CINP: variants seen among roughly 807,000 people sequenced by gnomAD.
CINP encodes cyclin-dependent kinase 2-interacting protein.
Under a neutral mutation model 20.5 loss-of-function variants are expected in CINP, and 11 were observed. The ratio of observed to expected loss-of-function variants is 0.54; its 90% CI spans 0.34 to 0.89. The LOEUF (loss-of-function observed/expected upper bound fraction) is 0.89. Among genes scored for constraint, CINP ranks in the 40% least tolerant of loss-of-function variants. The probability of loss-of-function intolerance (pLI) is 0.02; values close to 1 mark genes in which losing one functional copy is unlikely to be tolerated. For missense variants in CINP, 213 were observed against 251.0 expected, an observed-to-expected ratio of 0.85 and a Z score of 1.02; for synonymous variants, 108 against 102.1, an observed-to-expected ratio of 1.06 and a Z score of -0.35.
intron 4 of CINP, 74 bp downstream of exon 4, chr14:102,349,845 C>T: frequency 1.3e-6 from 2 of 1,526,466 alleles, no homozygotes; most frequent in Non-Finnish European, 1.8e-6. Context: ...TCTTAAAGTA[C>T]CAGATGTAAA....
rs1459552813 is a variant in CINP at position 102,350,020 on chromosome 14, A to G, written c.335T>C (p.Leu112Pro). ...LTKIQVKMEK[L>P]SSTTKGICEL... The stretch of plus-strand genomic sequence containing the variant: ...ACAAATTCCCTTGGTAGTTGAAGAC[A>G]GCTTTTCCATTTTCACCTGTATTTT... The change falls in exon 4 of 5, where the codon CTG (leucine) becomes CCG (proline). Residue 112 changes from leucine to proline, a missense_variant. Coordinates refer to ENST00000216756, the MANE Select transcript of CINP (RefSeq NM_032630.3). The G allele has an allele frequency of 6.2e-7, 1 of 1,613,666 alleles. No individual in the cohort carries two copies. The highest frequency in any genetic ancestry group is 8.5e-7 in the Non-Finnish European group (1 of 1,179,674).
At chr14:102,356,331 A>G (rs1886997292) in intron 2 of CINP, among the ~76,000 whole-genome samples, 1 of 151,886 alleles carries the variant, frequency 6.6e-6, no homozygotes, top group African/African-American at 2.4e-5. Flanking sequence ...AGGTGGGAGG[A>G]TCACTTAAGC....
At chr14:102,352,277 C>G in intron 3 of CINP, 1 of 257,288 alleles carries the variant, frequency 3.9e-6, no homozygotes, top group Non-Finnish European at 7.9e-6. Context: ...AAGCTGATAA[C>G]AGGAGACTAA....
chr14:102,357,143 G>C (rs1887015464), intron 2 of CINP, among the ~76,000 whole-genome samples: 1 of 152,158 alleles, frequency 6.6e-6, no homozygotes, highest in African/African-American at 2.4e-5. Context: ...CACTTTGGGA[G>C]GCCAAGGCGG....
chr14:102,359,445 A>G lies in CINP; in HGVS notation c.150T>C (p.Asn50=), dbSNP rs1010789144. 9 of 1,600,616 alleles carry G rather than the reference A, an allele frequency of 5.6e-6. No homozygotes were observed. The South Asian group carries it at 9.0e-5, about 16-fold the overall frequency. The change falls in exon 2 of 5, where the codon AAT becomes AAC. Residue 50 remains asparagine, a synonymous_variant. Transcript: ENST00000216756. The part of the protein sequence containing the change: ...LNDAGFTTAN[N]IANLKISLLN... ...ATAAACTGATTTTCAAGTTGGCAAT[A>G]TTATTTGCAGTGGTAAAACCTGCAT... is the stretch of plus-strand genomic sequence containing the variant.
At chr14:102,358,704 AAAAG>A (rs1887053469) in intron 2 of CINP, among the ~76,000 whole-genome samples, 1 of 152,094 alleles carries the variant, frequency 6.6e-6, no homozygotes, top group Admixed American at 6.6e-5. Flanking sequence ...AAAAAATAGA[AAAAG>A]AAAGTGAGAT....
chr14:102,350,564 G>A (rs1359058732), intron 3 of CINP, among the ~76,000 whole-genome samples: 1 of 151,792 alleles, frequency 6.6e-6, no homozygotes, highest in African/African-American at 2.4e-5. Context: ...ATGTTGCCCA[G>A]GCTGGTCTCT....
At chr14:102,360,742 T>G (rs749791941) in intron 1 of CINP, among the ~76,000 whole-genome samples, 101 of 152,226 alleles carry the variant, frequency 6.6e-4, no homozygotes, top group Non-Finnish European at 1.3e-3. Flanking sequence ...ATCCAAGCTC[T>G]GCCCACCACT....
At chr14:102,357,357 G>A (rs1887021816) in intron 2 of CINP, among the ~76,000 whole-genome samples, 1 of 132,200 alleles carries the variant, frequency 7.6e-6, no homozygotes, top group African/African-American at 2.9e-5. Flanking sequence ...ACTCCAGCCT[G>A]AGCGACAGAG....
At position 102,348,437 on chromosome 14, in the gene CINP, G is replaced by A; in HGVS notation, c.*120C>T. On this transcript the variant is annotated 3_prime_UTR_variant, in exon 5 of 5. Coordinates refer to ENST00000216756, the MANE Select transcript of CINP (RefSeq NM_032630.3). ...GCCATGGGGCTGGTGACAAGCTCTG[G>A]CCAGAAGACCCCAAGGTCTGATCCT... is the stretch of plus-strand genomic sequence containing the variant. 1 of 852,368 alleles carries A rather than the reference G, an allele frequency of 1.2e-6. No individual in the cohort carries two copies. The highest frequency in any genetic ancestry group is 1.7e-6 in the Non-Finnish European group (1 of 588,084). The allele number at this position is 852,368 out of a possible 1,614,324, so 52.8% of individuals were successfully genotyped here. A position where few individuals can be genotyped will look rare whatever the true frequency, so the allele number is the denominator to read the frequency against.
At position 102,359,500 on chromosome 14, in the gene CINP, T is replaced by C; in HGVS notation, c.95A>G (p.Asn32Ser). ...GAGGGTTTCCCACTTCAGGATTAAATTGTGCCAATCAGCCGCATTGTCCTT... is the reference window on the plus strand; with the variant it reads ...GAGGGTTTCCCACTTCAGGATTAAACTGTGCCAATCAGCCGCATTGTCCTT... Reference protein sequence around the residue: ...KIKDNAADWHNLILKWETLND... With the variant: ...KIKDNAADWHSLILKWETLND... The change falls in exon 2 of 5, where the codon AAT becomes AGT. Residue 32 changes from asparagine (N) to serine (S), a missense_variant. Coordinates refer to ENST00000216756, the MANE Select transcript of CINP (RefSeq NM_032630.3). The C allele has an allele frequency of 2.5e-6, 4 of 1,613,492 alleles. No homozygotes were observed. Among genetic ancestry groups the C allele is most frequent in the Non-Finnish European group, 1.7e-6 (2 of 1,179,658 alleles).
intron 2 of CINP, among the ~76,000 whole-genome samples, 178 bp downstream of exon 2, chr14:102,359,227 AATATATATATATAT>A (rs10632205): frequency 1.0e-4 from 12 of 115,424 alleles, no homozygotes; most frequent in South Asian, 2.8e-4. Flanking sequence ...TAAATAACTA[AATATATATATATAT>A]ATATATATAT....
intron 4 of CINP, among the ~76,000 whole-genome samples, chr14:102,349,620 C>G (rs1040247479): frequency 6.6e-6 from 1 of 152,144 alleles, no homozygotes; most frequent in East Asian, 1.9e-4. Flanking sequence ...CCTTTCCCCC[C>G]CTCAAAATGA....
chr14:102,349,908 G>A lies in CINP; in HGVS notation c.436+11C>T. On this transcript the variant is annotated intron_variant, in intron 4 of 4. Transcript: ENST00000216756. ...ACCCTCCTGAAAATCAACTGAGAAG[G>A]AACTACTTACAGAAATGGGTTGTAG... 2.5e-6 allele frequency: 4 copies of A among 1,613,548 alleles called. No homozygotes were observed. In the East Asian group the frequency reaches 8.9e-5, roughly 36 times the overall value.
At chr14:102,358,999 G>A (rs1048087918) in intron 2 of CINP, among the ~76,000 whole-genome samples, 6 of 151,982 alleles carry the variant, frequency 3.9e-5, no homozygotes, top group African/African-American at 1.4e-4. Flanking sequence ...AAGGTCAGGA[G>A]TTCGAGACCA....
At chr14:102,361,303 G>C (rs566299319) in intron 1 of CINP, among the ~76,000 whole-genome samples, 5 of 152,266 alleles carry the variant, frequency 3.3e-5, no homozygotes, top group African/African-American at 1.2e-4. Flanking sequence ...AAAAGGACTA[G>C]TGCGTGAGTA....
chr14:102,360,017 G>A (rs1887102864), intron 1 of CINP, among the ~76,000 whole-genome samples: 1 of 152,074 alleles, frequency 6.6e-6, no homozygotes, highest in Admixed American at 6.6e-5. Flanking sequence ...AGAGTAGCGT[G>A]GCCCATGAGT....
chr14:102,348,644 G>A lies in CINP; in HGVS notation c.552C>T (p.Ser184=), dbSNP rs781473767. 6.2e-7 allele frequency: 1 copy of A among 1,614,102 alleles called. No individual in the cohort carries two copies. The highest frequency in any genetic ancestry group is 1.1e-5 in the South Asian group (1 of 91,028). ...CCACATAGGGCTGGTGCAGCCACAT[G>A]GACAGGTAGCTCAGGGTGAGGTCGG... is the stretch of plus-strand genomic sequence containing the variant. ...GDPDLTLSYL[S]MWLHQPYVES... Residue 184 remains serine (S), a synonymous_variant, in exon 5 of 5, where the codon TCC becomes TCT. Transcript: ENST00000216756.
intron 4 of CINP, among the ~76,000 whole-genome samples, 195 bp downstream of exon 4, chr14:102,349,724 T>A (rs1240848126): frequency 6.6e-6 from 1 of 152,214 alleles, no homozygotes; most frequent in African/African-American, 2.4e-5. Flanking sequence ...TCTCTATGTT[T>A]CATATACTCT....
Sources: gnomAD v4.1 joint callset for allele counts (sites outside exome capture counted in the v4.1 genomes callset) on GRCh38, gnomAD v4.1.1 for gene constraint, MANE v1.5 for transcripts, NCBI Gene and HGNC (gene_info 2026-07-23, HGNC 2026-07-21) for gene names.